Variants in NDUFS6 observed in about 807,000 individuals in gnomAD.
The protein encoded by NDUFS6 is NADH dehydrogenase [ubiquinone] iron-sulfur protein 6, mitochondrial.
In NDUFS6, 14 loss-of-function variants were observed where a neutral mutation model predicts 13.2. The ratio of observed to expected loss-of-function variants is 1.06; its 90% CI spans 0.70 to 1.66. The LOEUF (loss-of-function observed/expected upper bound fraction) is 1.66, where lower values mean the gene tolerates loss of function less well. Ranked by LOEUF, NDUFS6 falls within the 40% of genes most tolerant of loss-of-function variation. The probability of loss-of-function intolerance (pLI) is 0.00; values close to 1 mark genes in which losing one functional copy is unlikely to be tolerated. For synonymous variants in NDUFS6, 95 were observed against 72.3 expected, an observed-to-expected ratio of 1.31 and a Z score of -1.60; for missense variants, 206 against 170.8, an observed-to-expected ratio of 1.21 and a Z score of -1.15.
At chr5:1,812,293 G>C (rs1344845263) in intron 2 of NDUFS6, among the ~76,000 whole-genome samples, 1 of 151,974 alleles carries the variant, frequency 6.6e-6, no homozygotes, top group Non-Finnish European at 1.5e-5. Context: ...TACCTCTGAA[G>C]GCCCCGCCCT....
At chr5:1,802,692 C>T (rs1242893240) in intron 2 of NDUFS6, among the ~76,000 whole-genome samples, 1 of 152,112 alleles carries the variant, frequency 6.6e-6, no homozygotes, top group East Asian at 1.9e-4. Flanking sequence ...AAAAATTATT[C>T]TTTTAACCAC....
At chr5:1,806,982 T>C in intron 2 of NDUFS6, among the ~76,000 whole-genome samples, 1 of 152,200 alleles carries the variant, frequency 6.6e-6, no homozygotes, top group African/African-American at 2.4e-5. Context: ...GGAAGAACGC[T>C]TGACACGCCC....
intron 2 of NDUFS6, among the ~76,000 whole-genome samples, chr5:1,806,533 C>T (rs867188402): frequency 8.5e-5 from 13 of 152,166 alleles, no homozygotes; most frequent in Non-Finnish European, 1.5e-4. Flanking sequence ...GTCTACCTGG[C>T]GTGCTGTTTT....
At chr5:1,809,825 C>G (rs569765534) in intron 2 of NDUFS6, among the ~76,000 whole-genome samples, 7 of 152,350 alleles carry the variant, frequency 4.6e-5, no homozygotes, top group Admixed American at 2.0e-4. Context: ...TAAGGCGCTG[C>G]GACAAGGCGA....
At chr5:1,815,743 A>G (rs1331047648) in intron 3 of NDUFS6, 108 bp from the exon 4 acceptor site, 6 of 1,133,428 alleles carry the variant, frequency 5.3e-6, no homozygotes, top group Non-Finnish European at 5.3e-6. Flanking sequence ...GTAACTGCGT[A>G]TTTTTGTTTC....
Position 1,814,657 on chromosome 5 carries a change from C to T in NDUFS6, c.309+196C>T, listed in dbSNP as rs1020007193. The T allele has an allele frequency of 5.9e-6, 5 of 853,514 alleles. No homozygotes were observed. The African/African-American group carries it at 6.7e-5, about 11-fold the overall frequency. 52.9% of individuals were successfully genotyped at this position (853,514 alleles called of 1,614,324 possible). A position where few individuals can be genotyped will look rare whatever the true frequency, so the allele number is the denominator to read the frequency against. ...ACATAGAGCCGCCTGTCCGAAAACC[C>T]CCTTTCAACTGTGAAGTGGTGGGCG... On this transcript the variant is annotated intron_variant, in intron 3 of 3. Coordinates refer to ENST00000274137, the MANE Select transcript of NDUFS6 (RefSeq NM_004553.6). This position sits in a 1 kb window ranked among gnomAD's most constrained non-coding sequence, Gnocchi z 4.9.
chr5:1,802,755 A>G (rs1734068463), intron 2 of NDUFS6, among the ~76,000 whole-genome samples: 1 of 152,142 alleles, frequency 6.6e-6, no homozygotes. Context: ...TGTGTTTTTT[A>G]CAGGGACTTA....
chr5:1,814,641 C>T lies in NDUFS6; in HGVS notation c.309+180C>T, dbSNP rs960672470. ...CCACACTACAGGGCCTACATAGAGCCGCCTGTCCGAAAACCCCCTTTCAAC... is the reference window on the plus strand; with the variant it reads ...CCACACTACAGGGCCTACATAGAGCTGCCTGTCCGAAAACCCCCTTTCAAC... On this transcript the variant is annotated intron_variant, in intron 3 of 3. Transcript: ENST00000274137. This position sits in a 1 kb window ranked among gnomAD's most constrained non-coding sequence, Gnocchi z 4.9. 2.2e-5 allele frequency: 21 copies of T among 959,818 alleles called. No individual in the cohort carries two copies. Among genetic ancestry groups the T allele is most frequent in the Middle Eastern group, 2.0e-4 (1 of 4,932 alleles). 59.5% of individuals were successfully genotyped at this position (959,818 alleles called of 1,614,324 possible). A position where few individuals can be genotyped will look rare whatever the true frequency, so the allele number is the denominator to read the frequency against.
intron 1 of NDUFS6, 83 bp downstream of exon 1, chr5:1,801,632 G>A (rs1734044277): frequency 5.3e-6 from 8 of 1,503,660 alleles, no homozygotes; most frequent in Non-Finnish European, 6.2e-6. Flanking sequence ...GGGCATCCGC[G>A]GCCCTGGTTC....
rs971584676 is a variant in NDUFS6 at position 1,802,105 on chromosome 5, C to T, written c.133-216C>T. 4 of 568,064 alleles carry T rather than the reference C, an allele frequency of 7.0e-6. 1 individual carries two copies. Among genetic ancestry groups the T allele is most frequent in the South Asian group, 4.1e-5 (2 of 48,342 alleles). The allele number at this position is 568,064 out of a possible 1,614,324, so 35.2% of individuals were successfully genotyped here. On this transcript the variant is annotated intron_variant, in intron 1 of 3. Transcript: ENST00000274137. The stretch of plus-strand genomic sequence containing the variant: ...AGCTCCACCTTCCCGGGCTATGTCT[C>T]TGTGCTGCTCTCTGATCCAGGTGAC...
chr5:1,808,978 G>A (rs180826393), intron 2 of NDUFS6, among the ~76,000 whole-genome samples: 24 of 152,314 alleles, frequency 1.6e-4, no homozygotes, highest in African/African-American at 5.1e-4. Context: ...CGATGATCCA[G>A]CTGGTGGACT....
At position 1,814,105 on chromosome 5, in the gene NDUFS6, G is replaced by C. The variant is rs373591395; in HGVS notation, c.187-234G>C. 1.3e-5 allele frequency among the ~76,000 whole-genome samples: 2 copies of C among 152,236 alleles called. No individual in the cohort carries two copies. The highest frequency in any genetic ancestry group is 3.8e-4 in the East Asian group (2 of 5,204). ...GGGTCCACGGGGACAGAAGGGAAAG[G>C]CTCTGTGCTGCTGGGATTCTTGCAG... On this transcript the variant is annotated intron_variant, in intron 2 of 3. Coordinates refer to ENST00000274137, the MANE Select transcript of NDUFS6 (RefSeq NM_004553.6). This position sits in a 1 kb window ranked among gnomAD's most constrained non-coding sequence, Gnocchi z 4.9.
At chr5:1,806,809 G>A (rs1419391113) in intron 2 of NDUFS6, among the ~76,000 whole-genome samples, 3 of 152,156 alleles carry the variant, frequency 2.0e-5, no homozygotes, top group Admixed American at 6.5e-5. Context: ...ACTTCTGAGC[G>A]TGTGCCCAAA....
intron 1 of NDUFS6, among the ~76,000 whole-genome samples, 165 bp downstream of exon 1, chr5:1,801,714 GACGGTGGTGGCA>G (rs1308972907): frequency 6.6e-6 from 1 of 152,266 alleles, no homozygotes; most frequent in Non-Finnish European, 1.5e-5. Flanking sequence ...CGCGAGTCGG[GACGGTGGTGGCA>G]GCCTGTAGCG....
intron 2 of NDUFS6, among the ~76,000 whole-genome samples, chr5:1,805,910 T>G (rs1283292374): frequency 6.6e-6 from 1 of 152,166 alleles, no homozygotes; most frequent in Non-Finnish European, 1.5e-5. Context: ...GATGGGCTTA[T>G]GAGGGCTGTG....
At position 1,815,981 on chromosome 5, in the gene NDUFS6, T is replaced by G; in HGVS notation, c.*65T>G. On this transcript the variant is annotated 3_prime_UTR_variant, in exon 4 of 4. Coordinates refer to ENST00000274137, the MANE Select transcript of NDUFS6 (RefSeq NM_004553.6). ...CATTTCCGCGGGGAAGCTGAGCACGTGAAGCTCGCTGGTTCTGTGCGAAGG... is the reference window on the plus strand; with the variant it reads ...CATTTCCGCGGGGAAGCTGAGCACGGGAAGCTCGCTGGTTCTGTGCGAAGG... 7.2e-6 allele frequency: 11 copies of G among 1,533,476 alleles called. No individual in the cohort carries two copies. The highest frequency in any genetic ancestry group is 9.9e-6 in the Non-Finnish European group (11 of 1,106,388). The allele number at this position is 1,533,476 out of a possible 1,614,324, so 95.0% of individuals were successfully genotyped here.
rs746897210 is a variant in NDUFS6, at chr5:1,814,930, G to A, written c.309+469G>A. Among the ~76,000 whole-genome samples, 66 of 152,172 alleles carry A rather than the reference G, an allele frequency of 4.3e-4. No homozygotes were observed. The highest frequency in any genetic ancestry group is 7.9e-4 in the Admixed American group (12 of 15,280). ...TGTGTCTTCACAGGGCCGTCCCTCT[G>A]TGGGAGACTCCTCATCCCCTCTTCT... On this transcript the variant is annotated intron_variant, in intron 3 of 3. Transcript: ENST00000274137. The surrounding 1 kb of genome is among the most constrained non-coding windows in gnomAD (Gnocchi z 4.9).
chr5:1,801,547 C>T lies in NDUFS6; in HGVS notation c.130C>T (p.Gln44Ter), dbSNP rs757111897. ...PTGEKVTHTG[Q>*]VYDDKDYRRI... ...CGGGGAGAAGGTCACGCACACTGGC[C>T]AGGTAACGGCCGCTGGGTACAGGAT... Residue 44 changes from glutamine to a stop codon, truncating the protein, a stop_gained and splice_region_variant, in exon 1 of 4, where the codon CAG becomes TAG. Transcript: ENST00000274137. LOFTEE classifies it high-confidence loss of function. 6.3e-7 allele frequency: 1 copy of T among 1,584,590 alleles called. No homozygotes were observed. Among genetic ancestry groups the T allele is most frequent in the South Asian group, 1.1e-5 (1 of 88,780 alleles).
Position 1,814,427 on chromosome 5 carries a change from G to T in NDUFS6, c.275G>T (p.Gly92Val). The change falls in exon 3 of 4, where the codon GGA becomes GTA. Residue 92 changes from glycine (G) to valine (V), a missense_variant. Physicochemically the swap from Gly to Val is moderately radical, Grantham distance 109. Coordinates refer to ENST00000274137, the MANE Select transcript of NDUFS6 (RefSeq NM_004553.6). This position sits in a 1 kb window ranked among gnomAD's most constrained non-coding sequence, Gnocchi z 4.9. ...GTGATAGCGTGCGATGGCGGCGGGGGAGCTCTTGGCCACCCAAAAGTGTAT... is the reference window on the plus strand; with the variant it reads ...GTGATAGCGTGCGATGGCGGCGGGGTAGCTCTTGGCCACCCAAAAGTGTAT... ...TRVIACDGGG[G>V]ALGHPKVYIN... 1.2e-6 allele frequency: 2 copies of T among 1,614,202 alleles called. No individual in the cohort carries two copies. The highest frequency in any genetic ancestry group is 2.2e-5 in the South Asian group (2 of 91,084).
Sources: gnomAD v4.1 joint callset for allele counts (sites outside exome capture counted in the v4.1 genomes callset) on GRCh38, gnomAD v4.1.1 for gene constraint, Gnocchi (gnomAD v3.1) non-coding constraint, MANE v1.5 for transcripts, NCBI Gene and HGNC (gene_info 2026-07-23, HGNC 2026-07-21) for gene names.